The following TM4SF5 variants were observed in gnomAD, a reference collection of about 807,000 sequenced individuals.
TM4SF5 encodes the protein transmembrane 4 L6 family member 5.
Under a neutral mutation model 22.3 loss-of-function variants are expected in TM4SF5, and 16 were observed. The observed-to-expected ratio is 0.72, with a 90% CI of 0.49 to 1.09. TM4SF5 has a LOEUF of 1.09. Ranked by LOEUF, TM4SF5 falls within the 50% of genes least tolerant of loss-of-function variation. TM4SF5 has a pLI of 0.00. For missense variants in TM4SF5, 249 were observed against 266.1 expected (o/e 0.94, Z 0.45); for synonymous variants, 113 against 109.6 (o/e 1.03, Z -0.19).
chr17:4,778,037 C>A (rs1295055053), intron 1 of TM4SF5, among the ~76,000 whole-genome samples: 1 of 151,424 alleles, frequency 6.6e-6, no homozygotes, highest in African/African-American at 2.4e-5. Context: ...CAGTGTGAGA[C>A]CCTCTCTCAA....
At chr17:4,780,364 G>A (rs1389882381) in intron 1 of TM4SF5, among the ~76,000 whole-genome samples, 1 of 152,104 alleles carries the variant, frequency 6.6e-6, no homozygotes, top group Non-Finnish European at 1.5e-5. Context: ...CTCTGAGCCA[G>A]TCTTAACACC....
At chr17:4,772,247 A>G (rs1176185238) in intron 1 of TM4SF5, 148 bp downstream of exon 1, 1 of 984,412 alleles carries the variant, frequency 1.0e-6, no homozygotes, top group African/African-American at 1.6e-5. Flanking sequence ...CTCTGGAGTC[A>G]GTCCTGGAGG....
At chr17:4,778,849 A>G (rs1267563255) in intron 1 of TM4SF5, among the ~76,000 whole-genome samples, 1 of 151,994 alleles carries the variant, frequency 6.6e-6, no homozygotes, top group African/African-American at 2.4e-5. Flanking sequence ...CGAGGTCAGG[A>G]GATCAAGACC....
chr17:4,774,135 C>T (rs1917167493), intron 1 of TM4SF5, among the ~76,000 whole-genome samples: 1 of 152,188 alleles, frequency 6.6e-6, no homozygotes, highest in East Asian at 1.9e-4. Flanking sequence ...GCAGGAGAAC[C>T]CGGGAGGCAG....
rs773226997 is a variant in TM4SF5, at chr17:4,783,172, T to C, written c.*44T>C. On this transcript the variant is annotated 3_prime_UTR_variant, in exon 5 of 5. Transcript: ENST00000270560. ...GTTACACCTGCTCCTTCCTGGACGC[T>C]CACTCCCTTGCTCGCTAGAATAAAC... 1 of 719,018 alleles carries C rather than the reference T, an allele frequency of 1.4e-6. No homozygotes were observed. The highest frequency in any genetic ancestry group is 1.9e-6 in the Non-Finnish European group (1 of 514,138). The allele number at this position is 719,018 out of a possible 1,614,324, so 44.5% of individuals were successfully genotyped here. A position where few individuals can be genotyped will look rare whatever the true frequency, so the allele number is the denominator to read the frequency against.
chr17:4,772,957 T>G (rs1917141451), intron 1 of TM4SF5, among the ~76,000 whole-genome samples: 1 of 152,066 alleles, frequency 6.6e-6, no homozygotes, highest in African/African-American at 2.4e-5. Flanking sequence ...CAGGCTGGAG[T>G]GCAGTGGCGC....
intron 1 of TM4SF5, among the ~76,000 whole-genome samples, chr17:4,775,533 G>A (rs1185488952): frequency 2.6e-5 from 4 of 151,874 alleles, no homozygotes; most frequent in Non-Finnish European, 5.9e-5. Context: ...TAAAGTGCTG[G>A]GATTACAGGA....
In TM4SF5 at chr17:4,783,197, C is replaced by T. The variant is rs1218384767; in HGVS notation, c.*69C>T. The T allele has an allele frequency of 6.8e-7, 1 of 1,469,882 alleles. No homozygotes were observed. The highest frequency in any genetic ancestry group is 1.4e-5 in the African/African-American group (1 of 71,596). The allele number at this position is 1,469,882 out of a possible 1,614,324, so 91.1% of individuals were successfully genotyped here. ...TCACTCCCTTGCTCGCTAGAATAAACTGCTTTGCGCTCTCTTCTCTGTCTG... is the reference window on the plus strand; with the variant it reads ...TCACTCCCTTGCTCGCTAGAATAAATTGCTTTGCGCTCTCTTCTCTGTCTG... On this transcript the variant is annotated 3_prime_UTR_variant, in exon 5 of 5. Coordinates refer to ENST00000270560, the MANE Select transcript of TM4SF5 (RefSeq NM_003963.3).
At chr17:4,782,763 G>T in intron 3 of TM4SF5, 91 bp from the exon 4 acceptor site, 1 of 1,570,144 alleles carries the variant, frequency 6.4e-7, no homozygotes, top group Non-Finnish European at 8.6e-7. Context: ...GGGCTACCTG[G>T]GCCTTAGCAA....
rs1314797263 is a variant in TM4SF5, at chr17:4,782,511, C to T, written c.267C>T (p.Arg89=). Residue 89 remains arginine (R), a synonymous_variant, in exon 3 of 5, where the codon CGC becomes CGT. Coordinates refer to ENST00000270560, the MANE Select transcript of TM4SF5 (RefSeq NM_003963.3). ...GCCGNRCRML[R]SVFSSAFGVL... ...TTCCACACCACATCCAGATGCTGCG[C>T]TCGGTCTTCTCCTCGGCGTTCGGGG... is the stretch of plus-strand genomic sequence containing the variant. The T allele has an allele frequency of 5.0e-6, 8 of 1,614,104 alleles. No individual in the cohort carries two copies. The highest frequency in any genetic ancestry group is 6.8e-6 in the Non-Finnish European group (8 of 1,180,012).
intron 1 of TM4SF5, among the ~76,000 whole-genome samples, chr17:4,778,885 G>T (rs754306784): frequency 6.6e-6 from 1 of 151,500 alleles, no homozygotes; most frequent in Non-Finnish European, 1.5e-5. Context: ...ATGAAACCCC[G>T]TCTCTACTAA....
At chr17:4,781,130 T>C (rs1597299623) in intron 2 of TM4SF5, among the ~76,000 whole-genome samples, 1 of 120,890 alleles carries the variant, frequency 8.3e-6, no homozygotes, top group African/African-American at 3.5e-5. Context: ...CAGTAAGCAG[T>C]GATTTAAAAA....
Position 4,773,000 on chromosome 17 carries a change from G to C in TM4SF5, c.177+901G>C, listed in dbSNP as rs544487203. ...GTTCACTGCAACCTCTGTCTCCTGGGTTTAAGCAATTCTCCTGCCTCAGCC... is the reference window on the plus strand; with the variant it reads ...GTTCACTGCAACCTCTGTCTCCTGGCTTTAAGCAATTCTCCTGCCTCAGCC... On this transcript the variant is annotated intron_variant, in intron 1 of 4. Coordinates refer to ENST00000270560, the MANE Select transcript of TM4SF5 (RefSeq NM_003963.3). Among the ~76,000 whole-genome samples the C allele has an allele frequency of 5.3e-5, 8 of 152,276 alleles. No individual in the cohort carries two copies. The South Asian group carries it at 1.7e-3, about 32-fold the overall frequency.
rs561420029 is a variant in TM4SF5, at chr17:4,779,321, C to A, written c.178-1468C>A. ...ACGCATGCCTGCGATACCAGCTACT[C>A]AGGAGGCTGAGGCAGGAGGATCACT... On this transcript the variant is annotated intron_variant, in intron 1 of 4. Coordinates refer to ENST00000270560, the MANE Select transcript of TM4SF5 (RefSeq NM_003963.3). Among the ~76,000 whole-genome samples the A allele has an allele frequency of 1.4e-4, 22 of 152,028 alleles. 1 individual carries two copies. The East Asian group carries it at 3.7e-3, about 25-fold the overall frequency.
intron 1 of TM4SF5, among the ~76,000 whole-genome samples, chr17:4,772,779 G>A (rs1319916846): frequency 2.0e-5 from 3 of 150,102 alleles, no homozygotes; most frequent in Admixed American, 6.7e-5. Flanking sequence ...GTGGTGGTGC[G>A]AACATGGCTC....
At chr17:4,779,055 CAAA>C (rs1297196059) in intron 1 of TM4SF5, among the ~76,000 whole-genome samples, 3 of 54,726 alleles carry the variant, frequency 5.5e-5, no homozygotes, top group Admixed American at 2.0e-4. Context: ...GACTCCGTCT[CAAA>C]AAAAAAAAAA....
At position 4,782,997 on chromosome 17, in the gene TM4SF5, C is replaced by T. The variant is rs753819285; in HGVS notation, c.539C>T (p.Ala180Val). The change falls in exon 4 of 5, where the codon GCG becomes GTG. Residue 180 changes from alanine to valine, a missense_variant. Physicochemically the swap from Ala to Val is moderately conservative, Grantham distance 64 (BLOSUM62 0). Transcript: ENST00000270560. The stretch of plus-strand genomic sequence containing the variant: ...CTGTGTGGGATCCAGCTGGTGAACG[C>T]GACCATTGGTGTCTTCTGCGGCGAT... Reference protein sequence around the residue: ...IVLCGIQLVNATIGVFCGDCR... With the variant: ...IVLCGIQLVNVTIGVFCGDCR... 7 of 1,614,056 alleles carry T rather than the reference C, an allele frequency of 4.3e-6. No individual in the cohort carries two copies. Among genetic ancestry groups the T allele is most frequent in the Non-Finnish European group, 4.2e-6 (5 of 1,180,042 alleles).
At chr17:4,782,754 G>T in intron 3 of TM4SF5, 100 bp from the exon 4 acceptor site, 1 of 1,569,630 alleles carries the variant, frequency 6.4e-7, no homozygotes. Context: ...GCTCCACGTG[G>T]GCTACCTGGG....
In TM4SF5 at chr17:4,782,986, G is replaced by C; in HGVS notation, c.528G>C (p.Gln176His). The C allele has an allele frequency of 6.2e-7, 1 of 1,614,244 alleles. No homozygotes were observed. Among genetic ancestry groups the C allele is most frequent in the Non-Finnish European group, 8.5e-7 (1 of 1,180,044 alleles). Residue 176 changes from glutamine (Q) to histidine (H), a missense_variant, in exon 4 of 5, where the codon CAG becomes CAC. Gln to His is a conservative substitution (Grantham distance 24). Coordinates refer to ENST00000270560, the MANE Select transcript of TM4SF5 (RefSeq NM_003963.3). The part of the protein sequence containing the change: ...SCLEIVLCGI[Q>H]LVNATIGVFC... ...TGGAGATAGTACTGTGTGGGATCCA[G>C]CTGGTGAACGCGACCATTGGTGTCT...
Sources: allele counts gnomAD v4.1 joint callset (sites outside exome capture counted in the v4.1 genomes callset), GRCh38; gene constraint gnomAD v4.1.1; transcripts MANE v1.5; gene names NCBI Gene and HGNC (gene_info 2026-07-23, HGNC 2026-07-21).